NCALD: variants seen among roughly 807,000 people sequenced by gnomAD.
NCALD encodes the protein neurocalcin delta.
Under a neutral mutation model 18.6 loss-of-function variants are expected in NCALD, and 10 were observed. The observed-to-expected ratio is 0.54, with a 90% confidence interval of 0.33 to 0.91. The LOEUF is 0.91. Ranked by LOEUF, NCALD falls within the 40% of genes least tolerant of loss-of-function variation. The probability of loss-of-function intolerance (pLI) is 0.03; values close to 1 mark genes in which losing one functional copy is unlikely to be tolerated. For synonymous variants in NCALD, 88 were observed against 87.4 expected, an observed-to-expected ratio of 1.01 and a Z score of -0.04; for missense variants, 184 against 247.6, an observed-to-expected ratio of 0.74 and a Z score of 1.72.
At chr8:102,091,994 G>A (rs746250672) in intron 1 of NCALD, among the ~76,000 whole-genome samples, 1 of 152,174 alleles carries the variant, frequency 6.6e-6, no homozygotes, top group Non-Finnish European at 1.5e-5. Flanking sequence ...ATAGGGTCTG[G>A]GTAAAATGAG....
chr8:102,042,887 G>T (rs1823103145), intron 1 of NCALD, among the ~76,000 whole-genome samples: 1 of 151,850 alleles, frequency 6.6e-6, no homozygotes. Context: ...CACCTGCCAG[G>T]CCCAGAGAGT....
rs1460499107 is a variant in NCALD, at chr8:102,010,332, A to AC, written c.-157+9904dup. 2.0e-5 allele frequency among the ~76,000 whole-genome samples: 3 copies of AC among 152,314 alleles called. No individual in the cohort carries two copies. In the East Asian group the frequency reaches 5.8e-4, roughly 29 times the overall value. On this transcript the variant is annotated intron_variant, in intron 2 of 6. Transcript: ENST00000311028. ...AATTCCTTTACTGCCCTTGCCACTGACCCCAAATAGTTGCTACCCCCAACA... is the reference window on the plus strand; with the variant it reads ...AATTCCTTTACTGCCCTTGCCACTGACCCCCAAATAGTTGCTACCCCCAACA...
intron 4 of NCALD, among the ~76,000 whole-genome samples, chr8:101,883,439 T>G (rs564464924): frequency 2.0e-5 from 3 of 152,360 alleles, no homozygotes; most frequent in Admixed American, 6.5e-5. Context: ...GAGTTTCATT[T>G]AAGTCTTTGT....
Position 101,688,427 on chromosome 8 carries a change from G to T in NCALD, c.*882C>A, listed in dbSNP as rs1263344270. 2.9e-5 allele frequency: 8 copies of T among 277,002 alleles called. No homozygotes were observed. The highest frequency in any genetic ancestry group is 5.8e-5 in the Non-Finnish European group (8 of 138,404). 17.2% of individuals were successfully genotyped at this position (277,002 alleles called of 1,614,324 possible). ...ACAGATATGACTTCCAAACAAGACA[G>T]ACATTCATTATAGTTGTCTTACTTC... On this transcript the variant is annotated 3_prime_UTR_variant, in exon 4 of 4. Coordinates refer to ENST00000220931, the MANE Select transcript of NCALD (RefSeq NM_032041.3).
rs1820949413 is a variant in NCALD, at chr8:101,989,165, TAA to T, written c.-157+31070_-157+31071del. Among the ~76,000 whole-genome samples the T allele has an allele frequency of 2.0e-5, 3 of 152,248 alleles. 1 individual carries two copies. The Middle Eastern group carries it at 0.01, about 518-fold the overall frequency. ...TTTGTGTGGGCTGTGTGGCAAGTGA[TAA>T]AGAGGGAGCAATGTGAAGTATACAG... is the stretch of plus-strand genomic sequence containing the variant. On this transcript the variant is annotated intron_variant, in intron 2 of 6. Transcript: ENST00000311028.
chr8:101,756,078 C>T (rs368684071), intron 1 of NCALD, among the ~76,000 whole-genome samples: 2,894 of 96,730 alleles, frequency 0.03, 36 homozygotes, highest in Non-Finnish European at 0.051. Context: ...ATCTCCCTTC[C>T]CCCACCTTTT....
At chr8:101,746,654 A>G (rs909749692) in intron 1 of NCALD, among the ~76,000 whole-genome samples, 10 of 151,952 alleles carry the variant, frequency 6.6e-5, no homozygotes, top group Admixed American at 6.6e-4. Context: ...TTGTTTTTTC[A>G]TCAACCAAAA....
At chr8:101,783,099 C>G (rs1238279372) in intron 1 of NCALD, among the ~76,000 whole-genome samples, 1 of 152,180 alleles carries the variant, frequency 6.6e-6, no homozygotes, top group Non-Finnish European at 1.5e-5. Context: ...GCTGGAGAAA[C>G]CTTAGCAGTC....
At chr8:101,710,311 T>C (rs926085410) in intron 2 of NCALD, among the ~76,000 whole-genome samples, 3 of 152,104 alleles carry the variant, frequency 2.0e-5, no homozygotes, top group Admixed American at 1.3e-4. Context: ...ACCAGGGCCC[T>C]GGGTTTCAAG....
chr8:101,798,489 C>T (rs1812721218), intron 4 of NCALD, among the ~76,000 whole-genome samples: 1 of 152,016 alleles, frequency 6.6e-6, no homozygotes, highest in Admixed American at 6.6e-5. Context: ...TACAAAATGC[C>T]AATGAAAGAA....
intron 4 of NCALD, among the ~76,000 whole-genome samples, chr8:101,809,413 T>C (rs1025632482): frequency 6.6e-6 from 1 of 152,136 alleles, no homozygotes; most frequent in African/African-American, 2.4e-5. Flanking sequence ...TCTAAGAAAA[T>C]GGTCCACAAA....
Position 101,877,796 on chromosome 8 carries a change from G to C in NCALD, c.-20+9345C>G, listed in dbSNP as rs146280193. On this transcript the variant is annotated intron_variant, in intron 4 of 6. Coordinates refer to the NCALD transcript ENST00000311028. ...TAAGTTGATATATATAAAGTACTTAGAGCAGTGCCTCCCTCTGGTTCTGGG... is the reference window on the plus strand; with the variant it reads ...TAAGTTGATATATATAAAGTACTTACAGCAGTGCCTCCCTCTGGTTCTGGG... 6.5e-3 allele frequency among the ~76,000 whole-genome samples: 987 copies of C among 152,214 alleles called. 7 individuals carry two copies. Among genetic ancestry groups the C allele is most frequent in the Non-Finnish European group, 0.011 (757 of 68,012 alleles).
At chr8:102,033,190 T>C (rs1486559903) in intron 1 of NCALD, among the ~76,000 whole-genome samples, 3 of 152,136 alleles carry the variant, frequency 2.0e-5, no homozygotes, top group African/African-American at 7.2e-5. Context: ...AGTGCAGCAA[T>C]TGACTTGCAG....
intron 4 of NCALD, among the ~76,000 whole-genome samples, chr8:101,816,357 G>A (rs545734948): frequency 3.9e-5 from 6 of 152,194 alleles, no homozygotes; most frequent in Admixed American, 6.6e-5. Context: ...TGTGAAAGAC[G>A]TCCTCTCTGT....
chr8:101,772,358 A>C (rs1811619261), intron 1 of NCALD, among the ~76,000 whole-genome samples: 1 of 152,194 alleles, frequency 6.6e-6, no homozygotes, highest in Non-Finnish European at 1.5e-5. Context: ...CGACAGGCCC[A>C]CAGTCTTAGA....
chr8:102,064,333 G>A (rs1823937033), intron 1 of NCALD, among the ~76,000 whole-genome samples: 1 of 152,116 alleles, frequency 6.6e-6, no homozygotes, highest in Non-Finnish European at 1.5e-5. Context: ...TCAGGGGAAG[G>A]GCCACTGGAT....
Position 102,098,488 on chromosome 8 carries a change from G to C in NCALD, c.-210+25749C>G, listed in dbSNP as rs917313810. On this transcript the variant is annotated intron_variant, in intron 1 of 6. Transcript: ENST00000311028. ...GCTTCCCAAGTTGCTGGCCCTGGGG[G>C]GCTGCATCATCCCTCACTGGTTTCC... Among the ~76,000 whole-genome samples the C allele has an allele frequency of 4.0e-4, 61 of 151,980 alleles. 1 individual carries two copies. Among genetic ancestry groups the C allele is most frequent in the Non-Finnish European group, 4.4e-5 (3 of 67,984 alleles).
chr8:101,969,703 A>G (rs1820165034), intron 2 of NCALD, among the ~76,000 whole-genome samples: 1 of 152,244 alleles, frequency 6.6e-6, no homozygotes, highest in African/African-American at 2.4e-5. Context: ...AACTACTACC[A>G]GATAATGGAT....
intron 4 of NCALD, among the ~76,000 whole-genome samples, chr8:101,806,048 G>A (rs1813089087): frequency 6.6e-6 from 1 of 152,146 alleles, no homozygotes; most frequent in African/African-American, 2.4e-5. Context: ...GCCAAATATA[G>A]CTCTACCAAA....
Sources: allele counts gnomAD v4.1 joint callset (sites outside exome capture counted in the v4.1 genomes callset), GRCh38; gene constraint gnomAD v4.1.1; transcripts MANE v1.5; gene names NCBI Gene and HGNC (gene_info 2026-07-23, HGNC 2026-07-21).